The following OCA2 variants were observed in gnomAD, a reference collection of about 807,000 sequenced individuals.
OCA2 encodes OCA2 melanosomal transmembrane protein, also known as P protein.
A neutral mutation model predicts 100.2 loss-of-function variants in OCA2; 77 were observed. That is an observed-to-expected ratio of 0.77 (90% CI 0.64 to 0.93). OCA2 has a LOEUF of 0.93. OCA2 is among the 40% of genes least tolerant of loss of function. The probability of loss-of-function intolerance (pLI) is 0.00; values close to 1 mark genes in which losing one functional copy is unlikely to be tolerated. For synonymous variants in OCA2, 432 were observed against 439.2 expected, an observed-to-expected ratio of 0.98 and a Z score of 0.21; for missense variants, 1,062 against 1,089.1, an observed-to-expected ratio of 0.98 and a Z score of 0.35.
At chr15:27,722,766 TTTC>T in the OCA2 span, among the ~76,000 whole-genome samples, 1 of 134,060 alleles carries the variant, frequency 7.5e-6, no homozygotes, top group African/African-American at 3.0e-5. Context: ...CCTTCCTTTC[TTTC>T]TTTTCTTTCT....
chr15:28,014,914 G>A lies in OCA2; in HGVS notation c.906C>T (p.Ile302=). 1 of 1,614,180 alleles carries A rather than the reference G, an allele frequency of 6.2e-7. No individual in the cohort carries two copies. The highest frequency in any genetic ancestry group is 2.2e-5 in the East Asian group (1 of 44,884). Residue 302 remains isoleucine (I), a synonymous_variant, in exon 9 of 24, where the codon ATC becomes ATT. Coordinates refer to ENST00000354638, the MANE Select transcript of OCA2 (RefSeq NM_000275.3). The stretch of plus-strand genomic sequence containing the variant: ...TCTGCTGCAGGGAGGCCCGGATGCT[G>A]ATGGACACCGTCTCTCTGCAGAACG... ...FEVLTRETVS[I]SIRASLQQTQ...
rs77593945 is a variant in OCA2 at position 27,941,711 on chromosome 15, A to G, written c.1951+10073T>C. Among the ~76,000 whole-genome samples, 989 of 152,320 alleles carry G rather than the reference A, an allele frequency of 6.5e-3. 14 individuals carry two copies. The highest frequency in any genetic ancestry group is 0.022 in the African/African-American group (919 of 41,570). On this transcript the variant is annotated intron_variant, in intron 18 of 23. Coordinates refer to ENST00000354638, the MANE Select transcript of OCA2 (RefSeq NM_000275.3). ...AGAGACACTGGCCTTCCTCATCCTC[A>G]TATGTGTGCATGATGCTCAGGAAGG...
At chr15:27,912,810 G>T (rs2038448416) in intron 19 of OCA2, among the ~76,000 whole-genome samples, 1 of 152,136 alleles carries the variant, frequency 6.6e-6, no homozygotes, top group Non-Finnish European at 1.5e-5. Flanking sequence ...AAGATAATTT[G>T]CCAGGGCTCC....
chr15:28,071,309 G>A (rs184641417), intron 2 of OCA2, among the ~76,000 whole-genome samples: 19 of 152,234 alleles, frequency 1.2e-4, no homozygotes, highest in Admixed American at 1.2e-3. Flanking sequence ...CTCATGGACT[G>A]GAATAATCAA....
chr15:27,972,882 T>G (rs1245758947), intron 14 of OCA2, among the ~76,000 whole-genome samples: 1 of 133,980 alleles, frequency 7.5e-6, no homozygotes, highest in East Asian at 2.1e-4. Context: ...TATTTTATTT[T>G]TGTGACAGAG....
intron 18 of OCA2, among the ~76,000 whole-genome samples, chr15:27,943,838 T>C (rs1289624831): frequency 6.6e-6 from 1 of 152,180 alleles, no homozygotes; most frequent in Non-Finnish European, 1.5e-5. Context: ...GCCCCCTGCT[T>C]CGAGTTGTCG....
At chr15:28,038,615 T>C (rs544752369) in intron 2 of OCA2, among the ~76,000 whole-genome samples, 1 of 152,234 alleles carries the variant, frequency 6.6e-6, no homozygotes, top group African/African-American at 2.4e-5. Context: ...TGAATGAGAC[T>C]CTTTGGGAAA....
chr15:27,847,460 C>T (rs2035580163), intron 22 of OCA2, among the ~76,000 whole-genome samples: 1 of 152,186 alleles, frequency 6.6e-6, no homozygotes, highest in Admixed American at 6.5e-5. Flanking sequence ...GGCTCCTACA[C>T]AGGCCCCTCC....
chr15:27,723,390 C>A, the OCA2 span, among the ~76,000 whole-genome samples: 1 of 152,074 alleles, frequency 6.6e-6, no homozygotes, highest in South Asian at 2.1e-4. Flanking sequence ...CTGTGTGAGT[C>A]CAAGGTCTCC....
At chr15:28,015,243 C>G (rs2042354174) in intron 8 of OCA2, among the ~76,000 whole-genome samples, 1 of 152,190 alleles carries the variant, frequency 6.6e-6, no homozygotes, top group Admixed American at 6.5e-5. Context: ...ACATACCCGA[C>G]CAGTTTACCT....
intron 18 of OCA2, among the ~76,000 whole-genome samples, chr15:27,941,267 T>A (rs1347043643): frequency 2.6e-5 from 4 of 152,248 alleles, no homozygotes; most frequent in Non-Finnish European, 5.9e-5. Flanking sequence ...AATCTCTTGA[T>A]GAATGCATAT....
intron 19 of OCA2, chr15:27,896,436 G>C (rs2151623708): frequency 2.9e-6 from 2 of 687,208 alleles, no homozygotes; most frequent in South Asian, 3.0e-5. Context: ...TGCTATATGA[G>C]AGAATCCCAT....
chr15:27,986,965 GGGA>G, intron 11 of OCA2, among the ~76,000 whole-genome samples: 1 of 152,308 alleles, frequency 6.6e-6, no homozygotes, highest in Non-Finnish European at 1.5e-5. Flanking sequence ...ACTAGAAAAT[GGGA>G]TCAGAGTGCG....
chr15:27,990,043 C>T (rs2041499584), intron 10 of OCA2, among the ~76,000 whole-genome samples: 1 of 152,098 alleles, frequency 6.6e-6, no homozygotes, highest in Non-Finnish European at 1.5e-5. Flanking sequence ...GGTTCCAGCA[C>T]TGCCTCTCAG....
At chr15:27,838,189 G>A (rs2035224851) in intron 23 of OCA2, among the ~76,000 whole-genome samples, 1 of 152,196 alleles carries the variant, frequency 6.6e-6, no homozygotes, top group Admixed American at 6.5e-5. Context: ...ACTGGGGGCT[G>A]TGCAAAAACA....
chr15:27,738,449 C>A, the OCA2 span, among the ~76,000 whole-genome samples: 49 of 152,284 alleles, frequency 3.2e-4, 1 homozygote, highest in Admixed American at 3.1e-3. Context: ...AGAAGCTCAA[C>A]GCCGGGCCGG....
intron 19 of OCA2, among the ~76,000 whole-genome samples, chr15:27,893,140 G>A (rs567007473): frequency 5.9e-5 from 9 of 152,330 alleles, no homozygotes; most frequent in South Asian, 2.1e-4. Flanking sequence ...TGGAGGGACC[G>A]GCTGGAGCCG....
chr15:27,985,602 T>C (rs1468572166), intron 12 of OCA2, among the ~76,000 whole-genome samples: 1 of 152,156 alleles, frequency 6.6e-6, no homozygotes, highest in Non-Finnish European at 1.5e-5. Flanking sequence ...ATAGACCAAA[T>C]ATCTACCTGG....
chr15:28,050,270 G>A (rs2043469008), intron 2 of OCA2, among the ~76,000 whole-genome samples: 1 of 152,062 alleles, frequency 6.6e-6, no homozygotes. Flanking sequence ...GGGCAACAGA[G>A]CAAGACCTTG....
Sources: allele counts gnomAD v4.1 joint callset (sites outside exome capture counted in the v4.1 genomes callset), GRCh38; gene constraint gnomAD v4.1.1; transcripts MANE v1.5; gene names NCBI Gene and HGNC (gene_info 2026-07-23, HGNC 2026-07-21).